Variants in KCNMA1 observed in about 807,000 individuals in gnomAD.
KCNMA1 encodes the protein Calcium-activated potassium channel subunit alpha-1.
A neutral mutation model predicts 140.0 loss-of-function variants in KCNMA1; 29 were observed. The observed-to-expected ratio is 0.21, with a 90% confidence interval of 0.15 to 0.28. KCNMA1 has a LOEUF of 0.28. Ranked by LOEUF, KCNMA1 falls within the 10% of genes least tolerant of loss-of-function variation. The pLI is 1.00. For synonymous variants in KCNMA1, 612 were observed against 611.9 expected (o/e 1.00, Z 0.00); for missense variants, 880 against 1,602.2 (o/e 0.55, Z 7.70).
chr10:77,633,406 C>T (rs922769685), intron 1 of KCNMA1, among the ~76,000 whole-genome samples: 2 of 152,152 alleles, frequency 1.3e-5, no homozygotes, highest in African/African-American at 4.8e-5. Context: ...GGAGCTCCCC[C>T]GTGACTAGGA....
chr10:76,972,423 C>T (rs1477873313), intron 19 of KCNMA1, among the ~76,000 whole-genome samples: 2 of 152,152 alleles, frequency 1.3e-5, no homozygotes, highest in East Asian at 3.9e-4. Context: ...GATTATTTTG[C>T]TGAGCATTGG....
At position 76,887,152 on chromosome 10, in the gene KCNMA1, T is replaced by TA. The variant is rs144100057; in HGVS notation, c.*113dup. The stretch of plus-strand genomic sequence containing the variant: ...ACTATCATACATATGCAAATATGTG[T>TA]AAAAAAAAAGGGGGGGACTACAGGG... On this transcript the variant is annotated 3_prime_UTR_variant, in exon 28 of 28. Coordinates refer to ENST00000286628, the MANE Select transcript of KCNMA1 (RefSeq NM_001161352.2). 7.2e-3 allele frequency: 11,375 copies of TA among 1,579,866 alleles called. 437 individuals carry two copies. In the Admixed American group the frequency reaches 0.13, roughly 18 times the overall value.
chr10:76,996,863 G>C (rs1452420630), intron 19 of KCNMA1, among the ~76,000 whole-genome samples: 2 of 152,144 alleles, frequency 1.3e-5, no homozygotes, highest in Non-Finnish European at 2.9e-5. Context: ...ATTTGAGGAA[G>C]TCACCTAAAA....
chr10:77,154,054 T>G (rs1049150062), intron 5 of KCNMA1, among the ~76,000 whole-genome samples: 6 of 152,274 alleles, frequency 3.9e-5, no homozygotes, highest in African/African-American at 1.4e-4. Context: ...GTGGAGGTAA[T>G]TGGATCACGG....
At chr10:77,058,651 C>A (rs942956360) in intron 14 of KCNMA1, among the ~76,000 whole-genome samples, 1 of 152,000 alleles carries the variant, frequency 6.6e-6, no homozygotes, top group Non-Finnish European at 1.5e-5. Flanking sequence ...CAACACACTT[C>A]TAAATAATTC....
intron 1 of KCNMA1, among the ~76,000 whole-genome samples, chr10:77,561,687 G>A (rs570954593): frequency 6.6e-6 from 1 of 152,278 alleles, no homozygotes; most frequent in East Asian, 1.9e-4. Flanking sequence ...TTCACAAGGG[G>A]CACCATTGGC....
At chr10:76,915,085 G>C in intron 23 of KCNMA1, 36 bp from the exon 24 acceptor site, 3 of 1,496,374 alleles carry the variant, frequency 2.0e-6, no homozygotes, top group Non-Finnish European at 1.9e-6. Context: ...AGAAAAATCA[G>C]AGAAGTAGAA....
At chr10:76,942,171 G>A (rs1242033460) in intron 23 of KCNMA1, among the ~76,000 whole-genome samples, 1 of 151,862 alleles carries the variant, frequency 6.6e-6, no homozygotes, top group Non-Finnish European at 1.5e-5. Context: ...ATTGGGTTTC[G>A]CCATGTTGGC....
chr10:77,417,171 T>A (rs1248367972), intron 1 of KCNMA1, among the ~76,000 whole-genome samples: 1 of 152,120 alleles, frequency 6.6e-6, no homozygotes, highest in African/African-American at 2.4e-5. Flanking sequence ...CCTGGCTAGA[T>A]CTCCCCAAAG....
chr10:77,101,774 G>A (rs915987905), intron 9 of KCNMA1, among the ~76,000 whole-genome samples: 11 of 152,162 alleles, frequency 7.2e-5, no homozygotes, highest in Non-Finnish European at 1.2e-4. Flanking sequence ...AGAGCAGTCC[G>A]CCCCTTGCAG....
rs968541266 is a variant in KCNMA1 at position 77,360,692 on chromosome 10, G to A, written c.540+43170C>T. 3.3e-5 allele frequency among the ~76,000 whole-genome samples: 5 copies of A among 152,170 alleles called. No homozygotes were observed. In the East Asian group the frequency reaches 7.7e-4, roughly 23 times the overall value. On this transcript the variant is annotated intron_variant, in intron 2 of 27. Coordinates refer to ENST00000286628, the MANE Select transcript of KCNMA1 (RefSeq NM_001161352.2). ...CATTCACTTCCCAGATGTGTTTCTC[G>A]GGTCTCCAAAGGGAAACTCAGGGGA...
chr10:77,363,592 A>G (rs951325093), intron 2 of KCNMA1, among the ~76,000 whole-genome samples: 1 of 152,200 alleles, frequency 6.6e-6, no homozygotes, highest in Non-Finnish European at 1.5e-5. Context: ...AAAAATGTAA[A>G]ATACTTTCTC....
chr10:77,281,622 C>G (rs1460521707), intron 2 of KCNMA1, among the ~76,000 whole-genome samples: 1 of 152,152 alleles, frequency 6.6e-6, no homozygotes, highest in African/African-American at 2.4e-5. Flanking sequence ...CTATGGCACC[C>G]TGCTCCAGCC....
rs74933233 is a variant in KCNMA1 at position 76,942,897 on chromosome 10, T to C, written c.2902+1876A>G. Reference sequence around the variant, plus strand: ...AGGAGGAGCATCTACCAAGGGTTGGTCACATCCTGTTCATGTGAAGGTTTA... The same window carrying C: ...AGGAGGAGCATCTACCAAGGGTTGGCCACATCCTGTTCATGTGAAGGTTTA... On this transcript the variant is annotated intron_variant, in intron 23 of 27. Transcript: ENST00000286628. Among the ~76,000 whole-genome samples, 824 of 152,252 alleles carry C rather than the reference T, an allele frequency of 5.4e-3. 4 individuals carry two copies. The highest frequency in any genetic ancestry group is 0.017 in the African/African-American group (697 of 41,538).
intron 1 of KCNMA1, among the ~76,000 whole-genome samples, chr10:77,570,520 A>C (rs1378518710): frequency 2.1e-5 from 3 of 145,680 alleles, no homozygotes; most frequent in Non-Finnish European, 4.5e-5. Flanking sequence ...TCTCACTCAC[A>C]GGTGGGAATT....
rs77928924 is a variant in KCNMA1, at chr10:77,469,522, C to T, written c.379-65499G>A. On this transcript the variant is annotated intron_variant, in intron 1 of 27. Coordinates refer to ENST00000286628, the MANE Select transcript of KCNMA1 (RefSeq NM_001161352.2). Reference sequence around the variant, plus strand: ...GCCTAGAGCAAGCTTACTGGGGGTCCTGGAAGAGTTCTCAGAGGTGTGTGA... The same window carrying T: ...GCCTAGAGCAAGCTTACTGGGGGTCTTGGAAGAGTTCTCAGAGGTGTGTGA... Among the ~76,000 whole-genome samples, 876 of 152,240 alleles carry T rather than the reference C, an allele frequency of 5.8e-3. 21 individuals carry two copies. The East Asian group carries it at 0.068, about 12-fold the overall frequency.
chr10:76,925,018 G>A (rs111612971), intron 23 of KCNMA1, among the ~76,000 whole-genome samples: 2,706 of 152,176 alleles, frequency 0.018, 83 homozygotes, highest in African/African-American at 0.062. Flanking sequence ...AGCTCCTGTC[G>A]TTTCTTTACC....
intron 23 of KCNMA1, among the ~76,000 whole-genome samples, chr10:76,934,227 C>T (rs1373814148): frequency 1.3e-5 from 2 of 152,188 alleles, no homozygotes; most frequent in Non-Finnish European, 2.9e-5. Context: ...CTGCTTCGGC[C>T]CCCCAGTGTG....
chr10:77,327,190 G>A (rs529031823), intron 2 of KCNMA1, among the ~76,000 whole-genome samples: 39 of 151,890 alleles, frequency 2.6e-4, no homozygotes, highest in Non-Finnish European at 4.6e-4. Flanking sequence ...CTTCTGCACA[G>A]CATACCCATT....
Sources: gnomAD v4.1 joint callset for allele counts (sites outside exome capture counted in the v4.1 genomes callset) on GRCh38, gnomAD v4.1.1 for gene constraint, MANE v1.5 for transcripts, NCBI Gene and HGNC (gene_info 2026-07-23, HGNC 2026-07-21) for gene names.